KIF24: variants seen among roughly 807,000 people sequenced by gnomAD.
KIF24 encodes the protein kinesin-like protein KIF24.
A neutral mutation model predicts 118.9 loss-of-function variants in KIF24; 81 were observed. The ratio of observed to expected loss-of-function variants is 0.68; its 90% confidence interval spans 0.57 to 0.82. The LOEUF (loss-of-function observed/expected upper bound fraction) is 0.82. Ranked by LOEUF, KIF24 falls within the 40% of genes least tolerant of loss-of-function variation. The pLI, the probability that KIF24 is intolerant of heterozygous loss-of-function variation, is 0.00. For synonymous variants in KIF24, 599 were observed against 610.0 expected (o/e 0.98, Z 0.27); for missense variants, 1,560 against 1,661.6 (o/e 0.94, Z 1.06).
At chr9:34,254,978 T>TC in intron 12 of KIF24, 94 bp downstream of exon 12, 1 of 842,510 alleles carries the variant, frequency 1.2e-6, no homozygotes, top group Non-Finnish European at 1.9e-6. Flanking sequence ...GGAGACCCTT[T>TC]CCCCACACAC....
intron 1 of KIF24, among the ~76,000 whole-genome samples, chr9:34,323,383 C>A (rs751927315): frequency 6.6e-6 from 1 of 152,196 alleles, no homozygotes; most frequent in Non-Finnish European, 1.5e-5. Context: ...CATGAGCAAT[C>A]ACCTAAAAAT....
Position 34,255,992 on chromosome 9 carries a change from T to A in KIF24, c.3615A>T (p.Thr1205=). Residue 1205 remains threonine (T), a synonymous_variant, in exon 11 of 13, where the codon ACA becomes ACT. Coordinates refer to ENST00000402558, the MANE Select transcript of KIF24 (RefSeq NM_194313.4). The part of the protein sequence containing the change: ...IHMGVPHSGP[T]LTPRTGSSDV... The stretch of plus-strand genomic sequence containing the variant: ...CACTACTTCCTGTTCGTGGGGTGAG[T>A]GTAGGTCCAGAATGGGGTACCCCCA... The A allele has an allele frequency of 6.2e-7, 1 of 1,613,582 alleles. No individual in the cohort carries two copies. Among genetic ancestry groups the A allele is most frequent in the Non-Finnish European group, 8.5e-7 (1 of 1,179,782 alleles).
At chr9:34,311,728 G>A (rs562272907) in intron 1 of KIF24, among the ~76,000 whole-genome samples, 24 of 142,938 alleles carry the variant, frequency 1.7e-4, no homozygotes, top group African/African-American at 4.3e-4. Flanking sequence ...GTATATACAC[G>A]TATATATATA....
intron 1 of KIF24, among the ~76,000 whole-genome samples, chr9:34,324,960 A>G (rs577454821): frequency 6.6e-6 from 1 of 152,188 alleles, no homozygotes; most frequent in East Asian, 1.9e-4. Flanking sequence ...CTATTATTAC[A>G]GTTAATTATA....
At chr9:34,313,871 C>A (rs536297577) in intron 1 of KIF24, among the ~76,000 whole-genome samples, 22 of 151,492 alleles carry the variant, frequency 1.5e-4, no homozygotes, top group Non-Finnish European at 2.5e-4. Context: ...CCTCAGCCTC[C>A]CAACTAGCTG....
chr9:34,314,249 C>T lies in KIF24; in HGVS notation c.-25-2878G>A, dbSNP rs137905846. On this transcript the variant is annotated intron_variant, in intron 1 of 12. Coordinates refer to ENST00000402558, the MANE Select transcript of KIF24 (RefSeq NM_194313.4). The stretch of plus-strand genomic sequence containing the variant: ...TGCAATCTTGGCTCACTGCAACCTC[C>T]GCCTCCCGAGTTCAAGCAATTCCCA... 3.8e-3 allele frequency among the ~76,000 whole-genome samples: 582 copies of T among 151,862 alleles called. 3 individuals are homozygous for T. Among genetic ancestry groups the T allele is most frequent in the Admixed American group, 7.1e-3 (109 of 15,264 alleles).
chr9:34,295,120 T>C (rs1227910741), intron 4 of KIF24, among the ~76,000 whole-genome samples: 1 of 47,974 alleles, frequency 2.1e-5, no homozygotes, highest in African/African-American at 3.5e-5. Context: ...TTTTAATAGA[T>C]AGGTAGGTAG....
In KIF24 at chr9:34,319,133, A is replaced by T; in HGVS notation, c.-25-7762T>A. 30 of 1,546,196 alleles carry T rather than the reference A, an allele frequency of 1.9e-5. 1 individual carries two copies. Among genetic ancestry groups the T allele is most frequent in the South Asian group, 1.0e-4 (9 of 89,552 alleles). ...GGTGATGCACCAGACAGGCCTCTAC[A>T]ACTACTATGACAATGAGAAGGAAAA... On this transcript the variant is annotated intron_variant, in intron 1 of 12. Transcript: ENST00000402558.
chr9:34,311,765 TACATATATATAC>T (rs138563438), intron 1 of KIF24, among the ~76,000 whole-genome samples: 40 of 145,122 alleles, frequency 2.8e-4, no homozygotes, highest in Admixed American at 1.1e-3. Flanking sequence ...TGTGTATATA[TACATATATATAC>T]ACATATATAT....
rs752210038 is a variant in KIF24, at chr9:34,256,246, T to C, written c.3361A>G (p.Asn1121Asp). The change falls in exon 11 of 13, where the codon AAT becomes GAT. Residue 1121 changes from asparagine to aspartate, a missense_variant. Asn to Asp is a conservative substitution (Grantham distance 23, BLOSUM62 1). Transcript: ENST00000402558. ...HLWLSSSPPD[N>D]KPGGDLPALS... is the part of the protein sequence containing the mutation. ...GCTGGAAGATCACCACCAGGCTTATTATCAGGGGGAGATGAGGACAGCCAC... is the reference window on the plus strand; with the variant it reads ...GCTGGAAGATCACCACCAGGCTTATCATCAGGGGGAGATGAGGACAGCCAC... 2.5e-6 allele frequency: 4 copies of C among 1,605,060 alleles called. No homozygotes were observed. The South Asian group carries it at 3.3e-5, about 13-fold the overall frequency.
rs1391124112 is a variant in KIF24 at position 34,304,183 on chromosome 9, C to T, written c.813+2069G>A. On this transcript the variant is annotated intron_variant, in intron 3 of 12. Coordinates refer to ENST00000402558, the MANE Select transcript of KIF24 (RefSeq NM_194313.4). Reference sequence around the variant, plus strand: ...TTAAAAATAAAGCCCAAAGAATCTACGATCAATATTTATTTAGCACTCAGT... The same window carrying T: ...TTAAAAATAAAGCCCAAAGAATCTATGATCAATATTTATTTAGCACTCAGT... 3.9e-5 allele frequency among the ~76,000 whole-genome samples: 6 copies of T among 152,136 alleles called. No homozygotes were observed. The South Asian group carries it at 6.2e-4, about 16-fold the overall frequency.
chr9:34,261,194 C>T (rs1430596012), intron 9 of KIF24, among the ~76,000 whole-genome samples: 7 of 152,218 alleles, frequency 4.6e-5, no homozygotes, highest in South Asian at 2.1e-4. Flanking sequence ...TGCCCATGTG[C>T]GGGGCTGGCT....
intron 4 of KIF24, among the ~76,000 whole-genome samples, chr9:34,296,336 C>T (rs1836476531): frequency 6.7e-6 from 1 of 148,604 alleles, no homozygotes; most frequent in South Asian, 2.1e-4. Context: ...ACCATCCTGG[C>T]TAACACGGTG....
chr9:34,309,540 C>CAAAAAAA (rs397960934), intron 2 of KIF24, among the ~76,000 whole-genome samples: 1 of 65,238 alleles, frequency 1.5e-5, no homozygotes. Flanking sequence ...GACTCCGTCT[C>CAAAAAAA]AAAAAAAAAA....
At chr9:34,261,951 T>A (rs1157385752) in intron 9 of KIF24, among the ~76,000 whole-genome samples, 1 of 152,138 alleles carries the variant, frequency 6.6e-6, no homozygotes, top group Non-Finnish European at 1.5e-5. Context: ...TTTTCTTTTT[T>A]AAGATGAGGT....
chr9:34,310,613 T>C (rs1409310777), intron 2 of KIF24, 111 bp downstream of exon 2: 2 of 686,464 alleles, frequency 2.9e-6, no homozygotes, highest in Non-Finnish European at 2.4e-6. Flanking sequence ...ATTTCTGTTA[T>C]ATTCATTTAC....
At chr9:34,254,591 C>A in intron 12 of KIF24, 71 bp from the exon 13 acceptor site, 2 of 1,503,128 alleles carry the variant, frequency 1.3e-6, no homozygotes, top group Non-Finnish European at 1.8e-6. Flanking sequence ...CTTTTTCAGT[C>A]CCTCCTCTGG....
Position 34,318,478 on chromosome 9 carries a change from A to T in KIF24, c.-25-7107T>A. ...TGGCGACCGAGGTGAAGAAACCTGC[A>T]GCCACAGCAGCTCCTGGCACCGCAG... is the stretch of plus-strand genomic sequence containing the variant. On this transcript the variant is annotated intron_variant, in intron 1 of 12. Transcript: ENST00000402558. This position sits in a 1 kb window ranked among gnomAD's most constrained non-coding sequence, Gnocchi z 4.9. The T allele has an allele frequency of 1.3e-6, 1 of 796,464 alleles. No homozygotes were observed. The highest frequency in any genetic ancestry group is 2.1e-6 in the Non-Finnish European group (1 of 468,218). The allele number at this position is 796,464 out of a possible 1,614,324, so 49.3% of individuals were successfully genotyped here. A position where few individuals can be genotyped will look rare whatever the true frequency, so the allele number is the denominator to read the frequency against.
chr9:34,269,988 C>T (rs1835440868), intron 7 of KIF24, among the ~76,000 whole-genome samples: 2 of 151,570 alleles, frequency 1.3e-5, no homozygotes, highest in South Asian at 4.2e-4. Context: ...CTTTGGGAAG[C>T]CGAGGCAGGC....
Sources: allele counts gnomAD v4.1 joint callset (sites outside exome capture counted in the v4.1 genomes callset), GRCh38; gene constraint gnomAD v4.1.1; non-coding constraint Gnocchi (gnomAD v3.1); transcripts MANE v1.5; gene names NCBI Gene and HGNC (gene_info 2026-07-23, HGNC 2026-07-21).